EFCAB13: variants seen among roughly 807,000 people sequenced by gnomAD.
EFCAB13 encodes EF-hand calcium binding domain 13, also known as EF-hand calcium-binding domain-containing protein 13.
EFCAB13 carries 91 observed loss-of-function variants against 110.2 expected under a neutral mutation model. The ratio of observed to expected loss-of-function variants is 0.83; its 90% CI spans 0.70 to 0.98. EFCAB13 has a LOEUF of 0.98. EFCAB13 is among the 50% of genes least tolerant of loss of function. The probability of loss-of-function intolerance (pLI) is 0.00; values close to 1 mark genes in which losing one functional copy is unlikely to be tolerated. For missense variants in EFCAB13, 968 were observed against 1,119.4 expected, an observed-to-expected ratio of 0.86 and a Z score of 1.93; for synonymous variants, 323 against 369.9, an observed-to-expected ratio of 0.87 and a Z score of 1.45.
intron 9 of EFCAB13, among the ~76,000 whole-genome samples, chr17:47,355,834 G>A (rs1222431552): frequency 9.2e-5 from 14 of 152,136 alleles, no homozygotes; most frequent in Non-Finnish European, 1.5e-4. Context: ...GCCTCCCAAA[G>A]TGCTGGGATT....
chr17:47,388,302 A>G (rs544607561), intron 14 of EFCAB13, among the ~76,000 whole-genome samples: 51 of 152,038 alleles, frequency 3.4e-4, no homozygotes, highest in African/African-American at 1.2e-3. Context: ...TTTCAGGGGG[A>G]CTTTTCCTCA....
chr17:47,384,927 G>A (rs1313009687), intron 14 of EFCAB13, among the ~76,000 whole-genome samples: 3 of 152,012 alleles, frequency 2.0e-5, no homozygotes, highest in African/African-American at 4.8e-5. Context: ...CCACCACCAC[G>A]CCTGGCCAAT....
At chr17:47,409,505 A>G in intron 20 of EFCAB13, 142 bp from the exon 21 acceptor site, 4 of 667,520 alleles carry the variant, frequency 6.0e-6, no homozygotes, top group Non-Finnish European at 1.0e-5. Context: ...CCAGGGAACA[A>G]CTTTTGAGAA....
intron 3 of EFCAB13, among the ~76,000 whole-genome samples, 196 bp downstream of exon 3, chr17:47,326,583 G>A (rs925814398): frequency 6.6e-6 from 1 of 152,108 alleles, no homozygotes; most frequent in African/African-American, 2.4e-5. Flanking sequence ...GCTATAGTTG[G>A]TATAGGAGCT....
chr17:47,393,749 T>G (rs940634652), intron 15 of EFCAB13, among the ~76,000 whole-genome samples: 1 of 137,390 alleles, frequency 7.3e-6, no homozygotes, highest in Admixed American at 7.2e-5. Context: ...AATAAATAAA[T>G]AAATAAAAAT....
At chr17:47,430,245 T>A in intron 24 of EFCAB13, 4 of 1,035,198 alleles carry the variant, frequency 3.9e-6, no homozygotes, top group Non-Finnish European at 4.6e-6. Context: ...TCAATCAGAA[T>A]GCCATCCATA....
chr17:47,435,304 G>A (rs1394096629), intron 24 of EFCAB13, among the ~76,000 whole-genome samples: 1 of 152,116 alleles, frequency 6.6e-6, no homozygotes, highest in Non-Finnish European at 1.5e-5. Flanking sequence ...CTATTTGTCA[G>A]GGAAATGCAA....
intron 3 of EFCAB13, among the ~76,000 whole-genome samples, chr17:47,327,629 G>A (rs2065294200): frequency 6.6e-6 from 1 of 152,134 alleles, no homozygotes; most frequent in Non-Finnish European, 1.5e-5. Context: ...TAATTGATTT[G>A]TATTTTTAGT....
chr17:47,336,250 C>T (rs1454440142), intron 5 of EFCAB13, among the ~76,000 whole-genome samples: 1 of 151,756 alleles, frequency 6.6e-6, no homozygotes, highest in East Asian at 1.9e-4. Flanking sequence ...CCTCAGCCTC[C>T]TGAGTAGCTG....
At chr17:47,355,570 A>ATTTTTTTT (rs71365066) in intron 9 of EFCAB13, among the ~76,000 whole-genome samples, 1 of 120,346 alleles carries the variant, frequency 8.3e-6, no homozygotes, top group African/African-American at 3.2e-5. Context: ...GGCTTTGTTC[A>ATTTTTTTT]TTTTTTTTTT....
intron 18 of EFCAB13, among the ~76,000 whole-genome samples, chr17:47,403,677 A>G (rs2065790081): frequency 6.6e-6 from 1 of 152,194 alleles, no homozygotes; most frequent in Non-Finnish European, 1.5e-5. Context: ...AATTTTATAA[A>G]CGCACCAGAG....
chr17:47,348,832 G>A (rs761595680), intron 9 of EFCAB13, among the ~76,000 whole-genome samples: 8 of 151,838 alleles, frequency 5.3e-5, no homozygotes, highest in African/African-American at 1.2e-4. Context: ...TATGTGATTC[G>A]TAGATATTTT....
chr17:47,371,061 T>G (rs943615959), intron 11 of EFCAB13, among the ~76,000 whole-genome samples: 11 of 126,624 alleles, frequency 8.7e-5, no homozygotes, highest in Admixed American at 7.2e-4. Flanking sequence ...TTTTAATGGT[T>G]GTTTTTTTTT....
chr17:47,351,279 CTGTGTGTGTG>C lies in EFCAB13; in HGVS notation c.661+3345_661+3354del, dbSNP rs140772791. 9.4e-5 allele frequency among the ~76,000 whole-genome samples: 12 copies of C among 128,040 alleles called. No individual in the cohort carries two copies. In the East Asian group the frequency reaches 1.1e-3, roughly 11 times the overall value. 84.0% of individuals were successfully genotyped at this position (128,040 alleles called of 152,430 possible). A position where few individuals can be genotyped will look rare whatever the true frequency, so the allele number is the denominator to read the frequency against. On this transcript the variant is annotated intron_variant, in intron 9 of 24. Coordinates refer to ENST00000331493, the MANE Select transcript of EFCAB13 (RefSeq NM_152347.5). The stretch of plus-strand genomic sequence containing the variant: ...TTTTCTGTGGCTGACTAGTATTCCA[CTGTGTGTGTG>C]TGTGTGTGTGTGTGTGCGCGCGCGC...
intron 23 of EFCAB13, among the ~76,000 whole-genome samples, chr17:47,415,838 A>G (rs1904424700): frequency 6.6e-6 from 1 of 151,832 alleles, no homozygotes. Flanking sequence ...TAACCACATC[A>G]TTTTGTCCCT....
rs746734249 is a variant in EFCAB13, at chr17:47,403,927, AGCTG to A, written c.2069_2072del (p.Ala690GlyfsTer8). 71 of 1,612,052 alleles carry A rather than the reference AGCTG, an allele frequency of 4.4e-5. No homozygotes were observed. Among genetic ancestry groups the A allele is most frequent in the Non-Finnish European group, 5.9e-5 (69 of 1,178,892 alleles). ...CTGATTTGCTGGAAGGTGACATGAT[AGCTG>A]GGAAGAACTTGGAAGACTTTCTAAG... On this transcript the variant is annotated frameshift_variant, in exon 19 of 25. Coordinates refer to ENST00000331493, the MANE Select transcript of EFCAB13 (RefSeq NM_152347.5). LOFTEE classifies it high-confidence loss of function.
At chr17:47,360,852 A>G (rs974151145) in intron 9 of EFCAB13, among the ~76,000 whole-genome samples, 2 of 152,162 alleles carry the variant, frequency 1.3e-5, no homozygotes, top group Admixed American at 6.5e-5. Flanking sequence ...ATGGCTAGCC[A>G]GTTTTCCCAG....
intron 10 of EFCAB13, among the ~76,000 whole-genome samples, chr17:47,362,308 A>G (rs914635324): frequency 2.0e-5 from 3 of 152,186 alleles, no homozygotes; most frequent in Non-Finnish European, 2.9e-5. Flanking sequence ...CTGAGGGGAC[A>G]TAGTGAGAAA....
At chr17:47,390,233 CTTA>C (rs2065698613) in intron 14 of EFCAB13, among the ~76,000 whole-genome samples, 1 of 149,792 alleles carries the variant, frequency 6.7e-6, no homozygotes, top group Non-Finnish European at 1.5e-5. Context: ...TATTATAAAA[CTTA>C]TTGAGAGAGG....
Sources: allele counts gnomAD v4.1 joint callset (sites outside exome capture counted in the v4.1 genomes callset), GRCh38; gene constraint gnomAD v4.1.1; transcripts MANE v1.5; gene names NCBI Gene and HGNC (gene_info 2026-07-23, HGNC 2026-07-21).